TRPM6: variants seen among roughly 807,000 people sequenced by gnomAD.
The protein encoded by TRPM6 is channel kinase 2.
A neutral mutation model predicts 247.6 loss-of-function variants in TRPM6; 111 were observed. The ratio of observed to expected loss-of-function variants is 0.45; its 90% confidence interval spans 0.38 to 0.52. The LOEUF is 0.52. TRPM6 is among the 20% of genes least tolerant of loss of function. The pLI, the probability that TRPM6 is intolerant of heterozygous loss-of-function variation, is 0.00. For missense variants in TRPM6, 2,126 were observed against 2,421.5 expected (o/e 0.88, Z 2.56); for synonymous variants, 892 against 853.8 (o/e 1.04, Z -0.78).
In TRPM6 at chr9:74,800,446, C is replaced by T; in HGVS notation, c.2046G>A (p.Lys682=). 6.2e-7 allele frequency: 1 copy of T among 1,613,954 alleles called. No individual in the cohort carries two copies. The highest frequency in any genetic ancestry group is 8.5e-7 in the Non-Finnish European group (1 of 1,180,006). ...CCATGCGCTCATTCTGCTTGAATGC[C>T]TTCTCCAACAAGTCCAGAGCCAGCT... ...FGQLALDLLE[K]AFKQNERMAM... is the part of the protein sequence containing the mutation. The change falls in exon 17 of 39, where the codon AAG becomes AAA. Residue 682 remains lysine (K), a synonymous_variant. Transcript: ENST00000360774.
intron 30 of TRPM6, among the ~76,000 whole-genome samples, chr9:74,750,189 G>A (rs1267329496): frequency 4.6e-5 from 7 of 152,020 alleles, no homozygotes; most frequent in Non-Finnish European, 1.5e-5. Flanking sequence ...TTGATGATTA[G>A]CATGCTACTG....
chr9:74,821,550 T>C, intron 8 of TRPM6, 119 bp downstream of exon 8: 1 of 1,191,364 alleles, frequency 8.4e-7, no homozygotes, highest in Non-Finnish European at 1.2e-6. Flanking sequence ...AGAAATGAAA[T>C]CCAGTCTCAA....
In TRPM6 at chr9:74,722,954, T is replaced by C. The variant is rs772425653; in HGVS notation, c.*1659A>G. 1 of 152,186 alleles carries C rather than the reference T, an allele frequency of 6.6e-6. No individual in the cohort carries two copies. Among genetic ancestry groups the C allele is most frequent in the East Asian group, 1.9e-4 (1 of 5,190 alleles). 9.4% of individuals were successfully genotyped at this position (152,186 alleles called of 1,614,324 possible). A position where few individuals can be genotyped will look rare whatever the true frequency, so the allele number is the denominator to read the frequency against. Reference sequence around the variant, plus strand: ...AGTCAGCTAATGTCAGGATTAAAGATAAAAATAAGTTGGAATTTTTCAAAC... The same window carrying C: ...AGTCAGCTAATGTCAGGATTAAAGACAAAAATAAGTTGGAATTTTTCAAAC... On this transcript the variant is annotated 3_prime_UTR_variant, in exon 39 of 39. Coordinates refer to ENST00000360774, the MANE Select transcript of TRPM6 (RefSeq NM_017662.5).
chr9:74,776,169 C>A (rs1442273279), intron 23 of TRPM6, 93 bp from the exon 24 acceptor site: 1 of 1,102,070 alleles, frequency 9.1e-7, no homozygotes, highest in Admixed American at 1.7e-5. Flanking sequence ...ATTGGCTCAC[C>A]TGACATTACC....
At chr9:74,788,844 G>T in intron 19 of TRPM6, 102 bp from the exon 20 acceptor site, 2 of 1,411,830 alleles carry the variant, frequency 1.4e-6, no homozygotes, top group Non-Finnish European at 2.0e-6. Context: ...ACTTCAACAT[G>T]ATAACACGAA....
At chr9:74,887,218 G>A in intron 1 of TRPM6, 1 of 1,261,960 alleles carries the variant, frequency 7.9e-7, no homozygotes, top group Non-Finnish European at 1.0e-6. Context: ...ACTGCGGCGG[G>A]GCGGGTGTTT....
intron 1 of TRPM6, among the ~76,000 whole-genome samples, chr9:74,873,708 G>A (rs934621326): frequency 2.0e-5 from 3 of 151,490 alleles, no homozygotes; most frequent in African/African-American, 4.9e-5. Flanking sequence ...AATCTTTGAG[G>A]GACTCATCTT....
chr9:74,782,580 A>C (rs1251394946), intron 22 of TRPM6, 99 bp downstream of exon 22: 2 of 1,516,582 alleles, frequency 1.3e-6, no homozygotes, highest in Admixed American at 3.4e-5. Context: ...CCATAAATTC[A>C]AACATTTTTA....
intron 1 of TRPM6, among the ~76,000 whole-genome samples, chr9:74,870,674 T>C (rs912852691): frequency 2.6e-5 from 4 of 152,038 alleles, no homozygotes; most frequent in African/African-American, 7.2e-5. Flanking sequence ...CTGTAATCCC[T>C]GCACTTTGGG....
chr9:74,804,358 C>T, intron 14 of TRPM6: 2 of 462,136 alleles, frequency 4.3e-6, no homozygotes, highest in South Asian at 2.4e-5. Context: ...ACTCCAGTGG[C>T]CAGGCCCAAT....
chr9:74,752,062 A>C (rs756060948), intron 29 of TRPM6, among the ~76,000 whole-genome samples: 19 of 152,226 alleles, frequency 1.2e-4, no homozygotes, highest in Non-Finnish European at 1.6e-4. Flanking sequence ...TGGATAGGTA[A>C]ATTGCATAAA....
rs567808093 is a variant in TRPM6 at position 74,785,745 on chromosome 9, G to C, written c.2919+129C>G. On this transcript the variant is annotated intron_variant, in intron 21 of 38. Coordinates refer to ENST00000360774, the MANE Select transcript of TRPM6 (RefSeq NM_017662.5). ...TCACCCTGTTAGCCAGGATGTTCTTGATCTCCTGACCTTGTGATCCGCCCG... is the reference window on the plus strand; with the variant it reads ...TCACCCTGTTAGCCAGGATGTTCTTCATCTCCTGACCTTGTGATCCGCCCG... 4.5e-5 allele frequency: 45 copies of C among 1,003,230 alleles called. 1 individual carries two copies. The highest frequency in any genetic ancestry group is 3.1e-4 in the Middle Eastern group (1 of 3,204). The allele number at this position is 1,003,230 out of a possible 1,614,324, so 62.1% of individuals were successfully genotyped here.
intron 38 of TRPM6, among the ~76,000 whole-genome samples, chr9:74,726,218 T>A (rs1471003059): frequency 1.3e-5 from 2 of 152,204 alleles, no homozygotes; most frequent in Admixed American, 6.5e-5. Flanking sequence ...GTGGAATTAT[T>A]GAATTACTCA....
chr9:74,822,359 C>T (rs183438454), intron 7 of TRPM6, among the ~76,000 whole-genome samples: 1 of 152,234 alleles, frequency 6.6e-6, no homozygotes, highest in East Asian at 1.9e-4. Context: ...ACGCAATCCT[C>T]CTGTCTCAGC....
At chr9:74,731,336 GCA>G (rs766411991) in intron 37 of TRPM6, among the ~76,000 whole-genome samples, 2 of 151,954 alleles carry the variant, frequency 1.3e-5, no homozygotes, top group Non-Finnish European at 2.9e-5. Flanking sequence ...TAACCCTTAG[GCA>G]CACAGGACTA....
intron 6 of TRPM6, among the ~76,000 whole-genome samples, chr9:74,828,594 C>T (rs995901452): frequency 6.6e-6 from 1 of 151,680 alleles, no homozygotes. Flanking sequence ...GGTCACATTG[C>T]TGGCAGTGGT....
intron 33 of TRPM6, among the ~76,000 whole-genome samples, 190 bp downstream of exon 33, chr9:74,742,371 G>T (rs1825894067): frequency 6.6e-6 from 1 of 152,122 alleles, no homozygotes; most frequent in African/African-American, 2.4e-5. Flanking sequence ...CATAGTATTA[G>T]CTTTTGTCCC....
intron 1 of TRPM6, among the ~76,000 whole-genome samples, chr9:74,875,652 A>G (rs956470578): frequency 6.6e-6 from 1 of 152,186 alleles, no homozygotes; most frequent in Admixed American, 6.5e-5. Flanking sequence ...TAAAAATGAT[A>G]GTTAATTTTA....
intron 22 of TRPM6, 78 bp downstream of exon 22, chr9:74,782,601 G>C: frequency 2.6e-6 from 4 of 1,544,624 alleles, no homozygotes; most frequent in Non-Finnish European, 3.6e-6. Context: ...AGATTTAGAT[G>C]ATTGTTTTTC....
Sources: allele counts gnomAD v4.1 joint callset (sites outside exome capture counted in the v4.1 genomes callset), GRCh38; gene constraint gnomAD v4.1.1; transcripts MANE v1.5; gene names NCBI Gene and HGNC (gene_info 2026-07-23, HGNC 2026-07-21).